The following MAST4 variants were observed in gnomAD, a reference collection of about 807,000 sequenced individuals.
MAST4 encodes the protein microtubule-associated serine/threonine-protein kinase 4.
MAST4 carries 89 observed loss-of-function variants against 162.7 expected under a neutral mutation model. That is an observed-to-expected ratio of 0.55 (90% CI 0.46 to 0.65). The LOEUF is 0.65. MAST4 is among the 30% of genes least tolerant of loss of function. The pLI is 0.00. For missense variants in MAST4, 3,153 were observed against 3,374.0 expected (o/e 0.93, Z 1.62); for synonymous variants, 1,479 against 1,361.1 (o/e 1.09, Z -1.91).
chr5:67,134,637 G>T lies in MAST4; in HGVS notation c.2341G>T (p.Val781Leu). 4.3e-6 allele frequency: 7 copies of T among 1,613,658 alleles called. No homozygotes were observed. The highest frequency in any genetic ancestry group is 5.1e-6 in the Non-Finnish European group (6 of 1,179,676). ...IILYEFLVGC[V>L]PFFGDTPEEL... ...CCTCTATGAATTTCTGGTTGGATGC[G>T]TGCCATTCTTTGGGGATACTCCAGA... Residue 781 changes from valine (V) to leucine (L), a missense_variant, in exon 18 of 29, where the codon GTG (valine) becomes TTG (leucine). By Grantham distance (32) the Val-to-Leu change is conservative (BLOSUM62 1). Coordinates refer to ENST00000403625, the MANE Select transcript of MAST4 (RefSeq NM_001164664.2).
At chr5:66,904,553 G>A (rs762131046) in intron 4 of MAST4, among the ~76,000 whole-genome samples, 4 of 152,122 alleles carry the variant, frequency 2.6e-5, no homozygotes, top group Admixed American at 6.6e-5. Context: ...ATTGTTTCAT[G>A]GCCTTGTAGG....
At chr5:66,730,867 C>CA (rs370778055) in intron 1 of MAST4, among the ~76,000 whole-genome samples, 6 of 150,882 alleles carry the variant, frequency 4.0e-5, no homozygotes, top group South Asian at 2.1e-4. Flanking sequence ...CCCCCTCCCC[C>CA]AAAAAAAATA....
chr5:67,044,999 C>T (rs1425169354), intron 4 of MAST4, among the ~76,000 whole-genome samples: 5 of 152,166 alleles, frequency 3.3e-5, no homozygotes, highest in African/African-American at 1.2e-4. Context: ...TGTACATTGC[C>T]TTGATCAATC....
rs1746054241 is a variant in MAST4 at position 66,649,193 on chromosome 5, C to G, written c.363+52175C>G. 3.3e-5 allele frequency among the ~76,000 whole-genome samples: 5 copies of G among 152,208 alleles called. No individual in the cohort carries two copies. In the South Asian group the frequency reaches 6.2e-4, roughly 19 times the overall value. ...GTTGTCTTGCCATTTGTAGAGAGTACTTGTGTATAAATCCTCTTATTTAAT... is the reference window on the plus strand; with the variant it reads ...GTTGTCTTGCCATTTGTAGAGAGTAGTTGTGTATAAATCCTCTTATTTAAT... On this transcript the variant is annotated intron_variant, in intron 1 of 28. Coordinates refer to ENST00000403625, the MANE Select transcript of MAST4 (RefSeq NM_001164664.2).
At chr5:66,985,627 A>G (rs1749393597) in intron 4 of MAST4, among the ~76,000 whole-genome samples, 1 of 152,084 alleles carries the variant, frequency 6.6e-6, no homozygotes, top group South Asian at 2.1e-4. Context: ...GTGTGTCTGT[A>G]TAGCTGAAAG....
intron 3 of MAST4, among the ~76,000 whole-genome samples, chr5:66,829,414 T>C (rs144236489): frequency 1.3e-5 from 2 of 152,292 alleles, no homozygotes; most frequent in East Asian, 1.9e-4. Context: ...AGAAAAGATA[T>C]GTAACTCACT....
chr5:66,766,444 A>G (rs1332735134), intron 2 of MAST4, among the ~76,000 whole-genome samples: 1 of 152,290 alleles, frequency 6.6e-6, no homozygotes, highest in Admixed American at 6.5e-5. Context: ...GAAAGTTGAG[A>G]GGGTTTTCTT....
chr5:67,004,789 T>G (rs1391122985), intron 4 of MAST4: 15 of 539,666 alleles, frequency 2.8e-5, no homozygotes, highest in African/African-American at 2.5e-4. Flanking sequence ...GTGTGTTAAT[T>G]AAAGGCTAGG....
rs111287368 is a variant in MAST4 at position 67,124,236 on chromosome 5, T to G, written c.1745+3134T>G. 6.2e-3 allele frequency among the ~76,000 whole-genome samples: 946 copies of G among 152,228 alleles called. 16 individuals are homozygous for G. Among genetic ancestry groups the G allele is most frequent in the African/African-American group, 0.022 (895 of 41,538 alleles). ...TTTTCCTGTTTCACAGGGAGGTCAG[T>G]GTAGGAAGAGAGGCAGAAGCAGCCT... On this transcript the variant is annotated intron_variant, in intron 14 of 28. Coordinates refer to ENST00000403625, the MANE Select transcript of MAST4 (RefSeq NM_001164664.2).
At chr5:66,965,225 CTT>C (rs1187971815) in intron 4 of MAST4, among the ~76,000 whole-genome samples, 13 of 84,890 alleles carry the variant, frequency 1.5e-4, no homozygotes, top group Admixed American at 7.3e-4. Context: ...TTTTTTTTTG[CTT>C]TTTTTTTTTT....
intron 5 of MAST4, among the ~76,000 whole-genome samples, chr5:67,057,461 T>A (rs1758977146): frequency 6.6e-6 from 1 of 151,778 alleles, no homozygotes; most frequent in Non-Finnish European, 1.5e-5. Flanking sequence ...TTAATTTGTG[T>A]AGGGGTGTCA....
At chr5:66,820,801 C>T (rs1033931335) in intron 3 of MAST4, among the ~76,000 whole-genome samples, 6 of 151,852 alleles carry the variant, frequency 4.0e-5, no homozygotes, top group Non-Finnish European at 8.8e-5. Context: ...TTATTATTTC[C>T]TCCTAGGATG....
At chr5:67,105,299 C>CT (rs1479267646) in intron 10 of MAST4, among the ~76,000 whole-genome samples, 1 of 152,170 alleles carries the variant, frequency 6.6e-6, no homozygotes, top group East Asian at 1.9e-4. Flanking sequence ...CAAATTATGC[C>CT]TTTGCAAACA....
chr5:67,142,474 G>A lies in MAST4; in HGVS notation c.2671G>A (p.Asp891Asn), dbSNP rs1242454194. ...AACGGAGGAAGAAGATGACACAAAT[G>A]ATGAAGACTTTAATGTGGAAATAAG... is the stretch of plus-strand genomic sequence containing the variant. ...METEEEDDTN[D>N]EDFNVEIRQF... Residue 891 changes from aspartate to asparagine, a missense_variant, in exon 21 of 29, where the codon GAT (aspartate) becomes AAT (asparagine). Physicochemically the swap from Asp to Asn is conservative, Grantham distance 23. Around this residue, in one of 7 missense-constraint regions of MAST4, gnomAD observed 619 missense variants for 744.2 expected, o/e 0.83. Transcript: ENST00000403625. 6.2e-7 allele frequency: 1 copy of A among 1,600,468 alleles called. No homozygotes were observed. The highest frequency in any genetic ancestry group is 8.5e-7 in the Non-Finnish European group (1 of 1,173,032).
At chr5:66,846,405 G>A (rs1410702997) in intron 3 of MAST4, among the ~76,000 whole-genome samples, 1 of 152,114 alleles carries the variant, frequency 6.6e-6, no homozygotes, top group Non-Finnish European at 1.5e-5. Context: ...AAGCTATGAT[G>A]TATTTTTTTC....
At chr5:66,677,890 G>A (rs1011877646) in intron 1 of MAST4, among the ~76,000 whole-genome samples, 7 of 152,090 alleles carry the variant, frequency 4.6e-5, no homozygotes, top group Non-Finnish European at 1.0e-4. Context: ...AGAATTGCCC[G>A]ATGAACTTGT....
In MAST4 at chr5:66,694,715, G is replaced by C. The variant is rs1749285113; in HGVS notation, c.364-64994G>C. Among the ~76,000 whole-genome samples, 4 of 152,136 alleles carry C rather than the reference G, an allele frequency of 2.6e-5. No individual in the cohort carries two copies. In the East Asian group the frequency reaches 7.7e-4, roughly 29 times the overall value. On this transcript the variant is annotated intron_variant, in intron 1 of 28. Transcript: ENST00000403625. The stretch of plus-strand genomic sequence containing the variant: ...TTGGGCAGGCTGGTCTTGAACTCCT[G>C]ATCTCAGGTGATCCGCCCACCTTGG...
intron 14 of MAST4, 39 bp from the exon 15 acceptor site, chr5:67,130,171 T>C: frequency 6.4e-7 from 1 of 1,561,564 alleles, no homozygotes; most frequent in Non-Finnish European, 8.7e-7. Flanking sequence ...CCTTACTTTC[T>C]CTCCTCCTGT....
intron 3 of MAST4, among the ~76,000 whole-genome samples, chr5:66,794,802 G>A (rs1007262789): frequency 1.1e-4 from 17 of 152,132 alleles, no homozygotes; most frequent in African/African-American, 2.2e-4. Context: ...CATCGTATAC[G>A]TTTCTTTCAA....
Sources: gnomAD v4.1 joint callset for allele counts (sites outside exome capture counted in the v4.1 genomes callset) on GRCh38, gnomAD v4.1.1 for gene constraint, gnomAD v4.1.1 regional missense constraint, MANE v1.5 for transcripts, NCBI Gene and HGNC (gene_info 2026-07-23, HGNC 2026-07-21) for gene names.